The following SLC4A4 variants were observed in gnomAD, a reference collection of about 807,000 sequenced individuals.
SLC4A4 encodes solute carrier family 4 member 4.
In SLC4A4, 27 loss-of-function variants were observed where a neutral mutation model predicts 111.5. That is an observed-to-expected ratio of 0.24 (90% confidence interval 0.18 to 0.33). The LOEUF is 0.33. Among genes scored for constraint, SLC4A4 ranks in the 10% least tolerant of loss-of-function variants. SLC4A4 has a pLI of 1.00. For missense variants in SLC4A4, 909 were observed against 1,315.5 expected (o/e 0.69, Z 4.78); for synonymous variants, 443 against 463.4 (o/e 0.96, Z 0.57).
intron 7 of SLC4A4, 31 bp from the exon 8 acceptor site, chr4:71,440,585 A>C: frequency 6.2e-7 from 1 of 1,613,964 alleles, no homozygotes; most frequent in Non-Finnish European, 8.5e-7. Flanking sequence ...TTGTGGAACT[A>C]AATTGTGTTT....
chr4:71,220,011 G>A (rs1372711626), intron 1 of SLC4A4, among the ~76,000 whole-genome samples: 2 of 152,214 alleles, frequency 1.3e-5, no homozygotes, highest in Non-Finnish European at 2.9e-5. Context: ...GACAACAAAG[G>A]ATTGGGATTC....
chr4:71,191,298 A>G (rs1225423989), intron 1 of SLC4A4, among the ~76,000 whole-genome samples: 4 of 152,228 alleles, frequency 2.6e-5, no homozygotes, highest in Admixed American at 6.5e-5. Context: ...TGTTGAAACT[A>G]TGTGCCTCTG....
chr4:71,438,815 T>C (rs192854592), intron 7 of SLC4A4, among the ~76,000 whole-genome samples: 94 of 152,276 alleles, frequency 6.2e-4, no homozygotes, highest in Non-Finnish European at 1.0e-3. Flanking sequence ...GATATTTCTC[T>C]AATATACTGA....
At chr4:71,376,199 A>G (rs868070961) in intron 6 of SLC4A4, among the ~76,000 whole-genome samples, 27 of 150,288 alleles carry the variant, frequency 1.8e-4, no homozygotes, top group East Asian at 3.9e-4. Context: ...ACACATATAT[A>G]TGTGTGTATA....
At chr4:71,249,407 C>T (rs1720902709) in intron 2 of SLC4A4, among the ~76,000 whole-genome samples, 1 of 152,182 alleles carries the variant, frequency 6.6e-6, no homozygotes, top group East Asian at 1.9e-4. Flanking sequence ...TCTGGACCCT[C>T]ATGCAAAATT....
chr4:71,089,091 C>A (rs903973771), intron 1 of SLC4A4, among the ~76,000 whole-genome samples: 1 of 151,908 alleles, frequency 6.6e-6, no homozygotes, highest in African/African-American at 2.4e-5. Context: ...TTCTTGGAGG[C>A]TTTCTTCATT....
chr4:71,200,340 TGTC>T (rs1746190376), intron 1 of SLC4A4, among the ~76,000 whole-genome samples: 2 of 152,236 alleles, frequency 1.3e-5, no homozygotes, highest in South Asian at 4.1e-4. Context: ...GCTTATTAAT[TGTC>T]TAAAATTATC....
At chr4:71,102,056 C>G (rs1373454393) in intron 2 of SLC4A4, among the ~76,000 whole-genome samples, 5 of 151,468 alleles carry the variant, frequency 3.3e-5, no homozygotes, top group Admixed American at 2.6e-4. Context: ...CTAGAATAAC[C>G]AATACAGAGA....
intron 2 of SLC4A4, among the ~76,000 whole-genome samples, chr4:71,124,434 T>G (rs1743511964): frequency 6.6e-6 from 1 of 152,196 alleles, no homozygotes; most frequent in Non-Finnish European, 1.5e-5. Flanking sequence ...CCTCCCAAAG[T>G]GCTGGGATTA....
intron 1 of SLC4A4, among the ~76,000 whole-genome samples, chr4:71,092,282 A>G (rs1415769276): frequency 1.3e-5 from 2 of 152,174 alleles, no homozygotes; most frequent in East Asian, 1.9e-4. Flanking sequence ...TAAAATTCAT[A>G]TGGTTGATGG....
At chr4:71,082,338 C>G (rs1300855231) in intron 1 of SLC4A4, among the ~76,000 whole-genome samples, 1 of 92,564 alleles carries the variant, frequency 1.1e-5, no homozygotes, top group African/African-American at 4.0e-5. Context: ...AAATAACTGT[C>G]CCCCCCACCA....
intron 5 of SLC4A4, among the ~76,000 whole-genome samples, chr4:71,352,339 G>A (rs1358112774): frequency 6.6e-6 from 1 of 152,002 alleles, no homozygotes; most frequent in East Asian, 1.9e-4. Flanking sequence ...AGGAGAATAA[G>A]GGTCACCAGG....
chr4:71,369,111 C>T (rs796925892), intron 6 of SLC4A4, among the ~76,000 whole-genome samples: 11 of 152,078 alleles, frequency 7.2e-5, no homozygotes, highest in East Asian at 5.8e-4. Flanking sequence ...CCCCCGAGTG[C>T]GGCGCACTCC....
At chr4:71,196,319 A>G (rs1244953179) in intron 1 of SLC4A4, among the ~76,000 whole-genome samples, 1 of 152,208 alleles carries the variant, frequency 6.6e-6, no homozygotes, top group African/African-American at 2.4e-5. Context: ...ACACATTTGC[A>G]CTTTCACAGG....
intron 3 of SLC4A4, among the ~76,000 whole-genome samples, chr4:71,275,984 A>G (rs1723041038): frequency 6.6e-6 from 1 of 152,226 alleles, no homozygotes; most frequent in Non-Finnish European, 1.5e-5. Context: ...CATGAGAATA[A>G]CAAAGTGTAA....
At chr4:71,149,283 A>C (rs1404467096) in intron 2 of SLC4A4, among the ~76,000 whole-genome samples, 1 of 152,094 alleles carries the variant, frequency 6.6e-6, no homozygotes, top group East Asian at 1.9e-4. Flanking sequence ...TTAAAAGTAA[A>C]GGCCCCAAAA....
intron 7 of SLC4A4, among the ~76,000 whole-genome samples, chr4:71,427,028 A>T (rs960961942): frequency 5.9e-5 from 9 of 152,150 alleles, no homozygotes; most frequent in African/African-American, 1.9e-4. Flanking sequence ...TAAAACACAC[A>T]TATGGGTATG....
At chr4:71,294,518 G>A (rs555577892) in intron 3 of SLC4A4, among the ~76,000 whole-genome samples, 26 of 152,360 alleles carry the variant, frequency 1.7e-4, no homozygotes. Flanking sequence ...GCAGTGGAGT[G>A]GGTAGTAATG....
At chr4:71,390,372 A>G (rs1450795899) in intron 6 of SLC4A4, among the ~76,000 whole-genome samples, 1 of 152,208 alleles carries the variant, frequency 6.6e-6, no homozygotes, top group African/African-American at 2.4e-5. Flanking sequence ...GGCTGTATGT[A>G]TATTGTGGAA....
Sources: gnomAD v4.1 joint callset for allele counts (sites outside exome capture counted in the v4.1 genomes callset) on GRCh38, gnomAD v4.1.1 for gene constraint, MANE v1.5 for transcripts, NCBI Gene and HGNC (gene_info 2026-07-23, HGNC 2026-07-21) for gene names.